CADM2: variants seen among roughly 807,000 people sequenced by gnomAD.
The protein encoded by CADM2 is cell adhesion molecule 2, also known as immunoglobulin superfamily member 4D.
A neutral mutation model predicts 49.8 loss-of-function variants in CADM2; 12 were observed. The ratio of observed to expected loss-of-function variants is 0.24; its 90% CI spans 0.15 to 0.39. The LOEUF (loss-of-function observed/expected upper bound fraction) is 0.39, where lower values mean the gene tolerates loss of function less well. CADM2 is among the 10% of genes least tolerant of loss of function. CADM2 has a pLI of 1.00. For synonymous variants in CADM2, 214 were observed against 175.4 expected, an observed-to-expected ratio of 1.22 and a Z score of -1.74; for missense variants, 378 against 492.3, an observed-to-expected ratio of 0.77 and a Z score of 2.20.
chr3:85,206,468 C>G (rs978170263), intron 1 of CADM2, among the ~76,000 whole-genome samples: 2 of 151,818 alleles, frequency 1.3e-5, no homozygotes, highest in African/African-American at 4.8e-5. Flanking sequence ...TCACCACGCC[C>G]GGCTAATTTT....
chr3:85,947,850 G>A (rs1220638114), intron 7 of CADM2, among the ~76,000 whole-genome samples: 3 of 151,428 alleles, frequency 2.0e-5, no homozygotes, highest in Non-Finnish European at 3.0e-5. Context: ...TCCCATAAGA[G>A]CTTGCAGAAT....
chr3:85,487,463 A>G (rs1475297057), intron 1 of CADM2, among the ~76,000 whole-genome samples: 1 of 152,048 alleles, frequency 6.6e-6, no homozygotes, highest in African/African-American at 2.4e-5. Flanking sequence ...CCCAAACTGC[A>G]TCTGAAGAAG....
intron 1 of CADM2, among the ~76,000 whole-genome samples, chr3:84,982,912 A>AT (rs987471958): frequency 4.0e-5 from 6 of 149,370 alleles, no homozygotes; most frequent in African/African-American, 7.5e-5. Flanking sequence ...TGCCCAGCTA[A>AT]TTTTTTTTGT....
intron 1 of CADM2, among the ~76,000 whole-genome samples, chr3:85,445,075 A>G (rs926269557): frequency 2.0e-5 from 3 of 152,174 alleles, no homozygotes; most frequent in Non-Finnish European, 4.4e-5. Flanking sequence ...TACTGTGTAT[A>G]TAGTCCCAGC....
intron 1 of CADM2, among the ~76,000 whole-genome samples, chr3:85,522,710 C>A (rs2061053880): frequency 6.6e-6 from 1 of 151,654 alleles, no homozygotes; most frequent in Admixed American, 6.6e-5. Flanking sequence ...GTTGTAGGAG[C>A]AATGAAGATA....
chr3:85,387,571 A>C (rs2034300662), intron 1 of CADM2, among the ~76,000 whole-genome samples: 1 of 152,182 alleles, frequency 6.6e-6, no homozygotes, highest in Non-Finnish European at 1.5e-5. Context: ...CTCTTGTATA[A>C]CTTTCTGCAG....
chr3:85,689,597 T>C (rs2066321973), intron 1 of CADM2, among the ~76,000 whole-genome samples: 2 of 152,176 alleles, frequency 1.3e-5, no homozygotes. Flanking sequence ...AAGTTAGGGC[T>C]AGATTGAAAA....
At chr3:85,398,432 T>A (rs2034907819) in intron 1 of CADM2, among the ~76,000 whole-genome samples, 1 of 152,168 alleles carries the variant, frequency 6.6e-6, no homozygotes, top group Non-Finnish European at 1.5e-5. Flanking sequence ...TGGTTCCAAG[T>A]CTTTGTTATT....
chr3:85,558,693 C>T (rs2062019449), intron 1 of CADM2, among the ~76,000 whole-genome samples: 1 of 151,912 alleles, frequency 6.6e-6, no homozygotes, highest in Non-Finnish European at 1.5e-5. Flanking sequence ...ATTTCTTCTC[C>T]TTTTCAGTTT....
intron 1 of CADM2, among the ~76,000 whole-genome samples, chr3:85,033,303 G>A (rs985883556): frequency 7.2e-5 from 11 of 152,132 alleles, no homozygotes; most frequent in Non-Finnish European, 1.6e-4. Context: ...TACTCCCAAG[G>A]TGCTCACTGA....
intron 1 of CADM2, among the ~76,000 whole-genome samples, chr3:85,123,747 A>G (rs1416806434): frequency 2.0e-5 from 3 of 152,160 alleles, no homozygotes; most frequent in Non-Finnish European, 4.4e-5. Flanking sequence ...CTGTCCTTCT[A>G]TGCTTTATCT....
intron 8 of CADM2, among the ~76,000 whole-genome samples, chr3:85,988,709 C>T (rs73843564): frequency 0.015 from 2,207 of 152,172 alleles, 50 homozygotes; most frequent in African/African-American, 0.051. Flanking sequence ...TAAAGAATTA[C>T]GTTTGTGTCC....
intron 6 of CADM2, among the ~76,000 whole-genome samples, chr3:85,935,233 T>A (rs1246587438): frequency 5.9e-5 from 9 of 152,120 alleles, no homozygotes; most frequent in Admixed American, 5.9e-4. Context: ...TAACTGTACT[T>A]CTGTACTTCA....
chr3:85,475,665 A>G (rs1251199200), intron 1 of CADM2, among the ~76,000 whole-genome samples: 1 of 151,940 alleles, frequency 6.6e-6, no homozygotes, highest in African/African-American at 2.4e-5. Flanking sequence ...TAATCTATAA[A>G]TAGTCTCACC....
chr3:85,002,218 T>C (rs548015130), intron 1 of CADM2, among the ~76,000 whole-genome samples: 1 of 152,124 alleles, frequency 6.6e-6, no homozygotes, highest in South Asian at 2.1e-4. Context: ...TGCTCCCTTT[T>C]CCTCTGTTTA....
chr3:86,010,264 T>C (rs1425769885), intron 8 of CADM2, among the ~76,000 whole-genome samples: 2 of 151,966 alleles, frequency 1.3e-5, no homozygotes, highest in Non-Finnish European at 2.9e-5. Context: ...ATCTGATAGA[T>C]GTACATACAA....
At chr3:85,131,895 A>T (rs556495632) in intron 1 of CADM2, among the ~76,000 whole-genome samples, 2 of 152,180 alleles carry the variant, frequency 1.3e-5, no homozygotes, top group South Asian at 4.2e-4. Context: ...ATAAAAAAAA[A>T]AAACAGGTCA....
rs10527231 is a variant in CADM2 at position 85,940,164 on chromosome 3, CAAAAAAA to C, written c.791+4327_791+4333del. Reference sequence around the variant, plus strand: ...TGAAACCCCATCTCTACTAAAAATACAAAAAAAAAAAAAAAAAAAAAAAAAATAGCCG... The same window carrying C: ...TGAAACCCCATCTCTACTAAAAATACAAAAAAAAAAAAAAAAAAATAGCCG... On this transcript the variant is annotated intron_variant, in intron 7 of 9. Coordinates refer to ENST00000383699, the MANE Select transcript of CADM2 (RefSeq NM_001167675.2). 8.6e-4 allele frequency among the ~76,000 whole-genome samples: 45 copies of C among 52,172 alleles called. No individual in the cohort carries two copies. In the South Asian group the frequency reaches 0.017, roughly 19 times the overall value. The allele number at this position is 52,172 out of a possible 152,430, so 34.2% of individuals were successfully genotyped here. A position where few individuals can be genotyped will look rare whatever the true frequency, so the allele number is the denominator to read the frequency against.
chr3:85,442,452 T>C (rs887723744), intron 1 of CADM2, among the ~76,000 whole-genome samples: 3 of 131,134 alleles, frequency 2.3e-5, no homozygotes, highest in Non-Finnish European at 5.0e-5. Context: ...CAAGTACATG[T>C]ACATTTATTA....
Sources: gnomAD v4.1 joint callset for allele counts (sites outside exome capture counted in the v4.1 genomes callset) on GRCh38, gnomAD v4.1.1 for gene constraint, MANE v1.5 for transcripts, NCBI Gene and HGNC (gene_info 2026-07-23, HGNC 2026-07-21) for gene names.